MTMR1: variants seen among roughly 807,000 people sequenced by gnomAD.
The protein encoded by MTMR1 is phosphatidylinositol-3-phosphate phosphatase MTMR1.
A neutral mutation model predicts 51.6 loss-of-function variants in MTMR1; 17 were observed. That is an observed-to-expected ratio of 0.33 (90% CI 0.23 to 0.49). The LOEUF (loss-of-function observed/expected upper bound fraction) is 0.49. MTMR1 is among the 20% of genes least tolerant of loss of function. The probability of loss-of-function intolerance (pLI) is 0.99; values close to 1 mark genes in which losing one functional copy is unlikely to be tolerated. For missense variants in MTMR1, 386 were observed against 526.9 expected, an observed-to-expected ratio of 0.73 and a Z score of 2.62; for synonymous variants, 201 against 205.6, an observed-to-expected ratio of 0.98 and a Z score of 0.19.
chrX:150,716,985 A>C (rs1282841009), intron 3 of MTMR1, among the ~76,000 whole-genome samples: 1 of 111,752 alleles, frequency 8.9e-6, no homozygotes, highest in Non-Finnish European at 1.9e-5. Context: ...TCCCGATCAA[A>C]TAGGTATGAG....
At chrX:150,705,883 A>G (rs1289398682) in intron 2 of MTMR1, among the ~76,000 whole-genome samples, 3 of 112,326 alleles carry the variant, frequency 2.7e-5, no homozygotes, top group Non-Finnish European at 5.6e-5. Context: ...TTGCATTTCT[A>G]TGTACTAGCA....
At chrX:150,733,784 A>C (rs782454538) in intron 10 of MTMR1, among the ~76,000 whole-genome samples, 77 of 111,384 alleles carry the variant, frequency 6.9e-4, no homozygotes, top group South Asian at 3.8e-3. Context: ...GACTTAGCAC[A>C]GTGGTGAGTG....
intron 3 of MTMR1, among the ~76,000 whole-genome samples, chrX:150,715,987 C>T (rs2041499881): frequency 8.9e-6 from 1 of 112,316 alleles, no homozygotes; most frequent in African/African-American, 3.2e-5. Context: ...CTCCTATATG[C>T]AACATTTTAT....
chrX:150,695,050 G>A (rs1388862555), intron 1 of MTMR1, among the ~76,000 whole-genome samples: 1 of 112,203 alleles, frequency 8.9e-6, no homozygotes, highest in Non-Finnish European at 1.9e-5. Flanking sequence ...TGACATTTGA[G>A]TAATGCCCCC....
intron 3 of MTMR1, among the ~76,000 whole-genome samples, chrX:150,718,155 G>A (rs782643408): frequency 3.6e-5 from 4 of 112,548 alleles, no homozygotes; most frequent in Middle Eastern, 4.6e-3. Context: ...ACTGTTCTCC[G>A]GTTATTTTCA....
At chrX:150,693,737 G>GGCCC (rs1429770564) in intron 1 of MTMR1, 61 bp downstream of exon 1, 4 of 704,008 alleles carry the variant, frequency 5.7e-6, no homozygotes, top group East Asian at 1.6e-4. Flanking sequence ...CCCCGCGCGA[G>GGCCC]GCCAGCCCGC....
intron 3 of MTMR1, among the ~76,000 whole-genome samples, chrX:150,718,059 C>T (rs894325117): frequency 8.9e-6 from 1 of 112,564 alleles, no homozygotes; most frequent in African/African-American, 3.2e-5. Context: ...TCCGTGTGCA[C>T]GAGCACACAC....
intron 15 of MTMR1, among the ~76,000 whole-genome samples, chrX:150,762,242 G>A (rs781809903): frequency 1.0e-3 from 116 of 112,661 alleles, no homozygotes; most frequent in Non-Finnish European, 1.4e-3. Context: ...GTCTGCACAC[G>A]GCGCCCTCGG....
chrX:150,762,754 A>G lies in MTMR1; in HGVS notation c.*25A>G, dbSNP rs1482909888. ...ATGGGCGAGGTCAGCCTGCTGCTCC[A>G]CTGTCTCCCGGTGGCTCAGGAAAGG... is the stretch of plus-strand genomic sequence containing the variant. On this transcript the variant is annotated 3_prime_UTR_variant, in exon 16 of 16. Transcript: ENST00000445323. 3.5e-6 allele frequency: 4 copies of G among 1,143,984 alleles called. No individual in the cohort carries two copies. The African/African-American group carries it at 7.3e-5, about 21-fold the overall frequency. The allele number at this position is 1,143,984 out of a possible 1,213,427, so 94.3% of individuals were successfully genotyped here. A position where few individuals can be genotyped will look rare whatever the true frequency, so the allele number is the denominator to read the frequency against.
intron 15 of MTMR1, 132 bp from the exon 16 acceptor site, chrX:150,762,433 A>G (rs1248327866): frequency 2.4e-6 from 2 of 831,891 alleles, no homozygotes; most frequent in East Asian, 3.3e-5. Flanking sequence ...AGATCGGTCA[A>G]CGCCTCAGGA....
At chrX:150,693,767 C>T in intron 1 of MTMR1, 91 bp downstream of exon 1, 1 of 629,130 alleles carries the variant, frequency 1.6e-6, no homozygotes, top group South Asian at 8.1e-5. Context: ...GCGCGCTGCG[C>T]AGGGCCTGGC....
rs913992747 is a variant in MTMR1 at position 150,760,415 on chromosome X, G to C, written c.1858-2150G>C. Reference sequence around the variant, plus strand: ...TGGCTCGATTGGCTGCCGAGAAAGGGGTTCTTTGGGCATCCATCAGAGGAT... The same window carrying C: ...TGGCTCGATTGGCTGCCGAGAAAGGCGTTCTTTGGGCATCCATCAGAGGAT... On this transcript the variant is annotated intron_variant, in intron 15 of 15. Transcript: ENST00000445323. Among the ~76,000 whole-genome samples the C allele has an allele frequency of 3.6e-5, 4 of 111,491 alleles. No individual in the cohort carries two copies. The East Asian group carries it at 1.1e-3, about 31-fold the overall frequency.
chrX:150,716,871 T>A (rs1006785719), intron 3 of MTMR1, among the ~76,000 whole-genome samples: 2 of 112,593 alleles, frequency 1.8e-5, no homozygotes, highest in Non-Finnish European at 3.7e-5. Flanking sequence ...GACATCCATT[T>A]AAAAATATTT....
At position 150,765,050 on chromosome X, in the gene MTMR1, T is replaced by G. The variant is rs2043259633; in HGVS notation, c.*2321T>G. 1.8e-5 allele frequency: 2 copies of G among 108,955 alleles called. No homozygotes were observed. Among genetic ancestry groups the G allele is most frequent in the Non-Finnish European group, 3.9e-5 (2 of 51,417 alleles). The allele number at this position is 108,955 out of a possible 1,213,427, so 9.0% of individuals were successfully genotyped here. ...GTCAAGCACAGTTAATATATGATGA[T>G]GTAAAGTAACTAACTTTATGTGATT... On this transcript the variant is annotated 3_prime_UTR_variant, in exon 16 of 16. Coordinates refer to ENST00000445323, the MANE Select transcript of MTMR1 (RefSeq NM_001306144.3).
In MTMR1 at chrX:150,711,475, C is replaced by A. The variant is rs782701346; in HGVS notation, c.253-867C>A. 8.0e-5 allele frequency among the ~76,000 whole-genome samples: 9 copies of A among 112,366 alleles called. No individual in the cohort carries two copies. In the South Asian group the frequency reaches 3.3e-3, roughly 41 times the overall value. ...GGATTTCAGACTTTGAAATGGGGAACAGAGATGGTTAAAATCTTCCCAGGC... is the reference window on the plus strand; with the variant it reads ...GGATTTCAGACTTTGAAATGGGGAAAAGAGATGGTTAAAATCTTCCCAGGC... On this transcript the variant is annotated intron_variant, in intron 2 of 15. Transcript: ENST00000445323.
intron 3 of MTMR1, among the ~76,000 whole-genome samples, chrX:150,717,294 G>A (rs2041561358): frequency 1.0e-5 from 1 of 97,680 alleles, no homozygotes; most frequent in Non-Finnish European, 2.0e-5. Context: ...GGGAGGCAGA[G>A]GTTGCAGAGA....
chrX:150,723,635 T>C (rs782565555), intron 4 of MTMR1, among the ~76,000 whole-genome samples: 49 of 112,081 alleles, frequency 4.4e-4, no homozygotes, highest in African/African-American at 1.6e-3. Context: ...ATAGGTAAAC[T>C]TGTGTCATGG....
chrX:150,730,321 T>C, intron 7 of MTMR1, 111 bp downstream of exon 7: 2 of 554,298 alleles, frequency 3.6e-6, no homozygotes. Context: ...TTTTTTCCTC[T>C]GTTGGTGACT....
At chrX:150,745,463 C>T (rs1311391642) in intron 13 of MTMR1, among the ~76,000 whole-genome samples, 1 of 112,050 alleles carries the variant, frequency 8.9e-6, no homozygotes, top group South Asian at 3.8e-4. Context: ...GCCTTATCAC[C>T]ATCAGCCCAG....
Sources: gnomAD v4.1 joint callset for allele counts (sites outside exome capture counted in the v4.1 genomes callset) on GRCh38, gnomAD v4.1.1 for gene constraint, MANE v1.5 for transcripts, NCBI Gene and HGNC (gene_info 2026-07-23, HGNC 2026-07-21) for gene names.